Variants in COMMD6 observed in about 807,000 individuals in gnomAD.
The protein encoded by COMMD6 is COMM domain-containing protein 6.
A neutral mutation model predicts 13.4 loss-of-function variants in COMMD6; 11 were observed. The ratio of observed to expected loss-of-function variants is 0.82; its 90% CI spans 0.52 to 1.36. COMMD6 has a LOEUF of 1.36. Among genes scored for constraint, COMMD6 ranks in the 40% most tolerant of loss-of-function variants. The pLI, the probability that COMMD6 is intolerant of heterozygous loss-of-function variation, is 0.00. For synonymous variants in COMMD6, 43 were observed against 36.5 expected (o/e 1.18, Z -0.64); for missense variants, 124 against 102.4 (o/e 1.21, Z -0.91).
chr13:75,537,378 A>T (rs1444832212), intron 2 of COMMD6: 7 of 1,550,826 alleles, frequency 4.5e-6, no homozygotes, highest in Non-Finnish European at 6.1e-6. Context: ...ACACTTTAAA[A>T]TACCGTGTTC....
intron 3 of COMMD6, 59 bp from the exon 4 acceptor site, chr13:75,526,698 AT>A: frequency 8.5e-7 from 1 of 1,176,258 alleles, no homozygotes; most frequent in Non-Finnish European, 1.3e-6. Context: ...TTAAGTAGTT[AT>A]TTTAATTATA....
intron 2 of COMMD6, chr13:75,537,453 G>A: frequency 1.3e-6 from 2 of 1,551,584 alleles, no homozygotes; most frequent in Non-Finnish European, 1.7e-6. Flanking sequence ...CTTCGGGCTA[G>A]TGCAGGGTGG....
At chr13:75,546,506 AT>A (rs1251931740) in intron 1 of COMMD6, among the ~76,000 whole-genome samples, 1 of 152,242 alleles carries the variant, frequency 6.6e-6, no homozygotes, top group Non-Finnish European at 1.5e-5. Flanking sequence ...GGCATCAAAC[AT>A]TAATTTGTCA....
upstream of COMMD6, chr13:75,537,854 C>T: frequency 3.3e-6 from 5 of 1,538,122 alleles, no homozygotes; most frequent in Non-Finnish European, 3.5e-6. Context: ...CGCCCCCAGA[C>T]CAGCGCTTCC....
At chr13:75,540,325 T>TAC (rs1018807311), upstream of COMMD6, among the ~76,000 whole-genome samples, 17 of 102,006 alleles carry the variant, frequency 1.7e-4, no homozygotes, top group South Asian at 4.2e-4. Flanking sequence ...GGGTGGTAAA[T>TAC]ACACACACAC....
Position 75,528,853 on chromosome 13 carries a change from A to C in COMMD6, c.207+1261T>G, listed in dbSNP as rs188181593. Among the ~76,000 whole-genome samples, 69 of 150,870 alleles carry C rather than the reference A, an allele frequency of 4.6e-4. 2 individuals are homozygous for C. The East Asian group carries it at 0.012, about 26-fold the overall frequency. The stretch of plus-strand genomic sequence containing the variant: ...GCCAAAAAGAGTGAAACTGTGTCCC[A>C]AAAAAAAAGAAAAAAAAAAAGAAAT... On this transcript the variant is annotated intron_variant, in intron 3 of 3. Transcript: ENST00000682242.
Position 75,526,561 on chromosome 13 carries a change from A to T in COMMD6, c.*28T>A. 6.5e-7 allele frequency: 1 copy of T among 1,530,906 alleles called. No individual in the cohort carries two copies. The highest frequency in any genetic ancestry group is 9.0e-7 in the Non-Finnish European group (1 of 1,115,226). 94.8% of individuals were successfully genotyped at this position (1,530,906 alleles called of 1,614,324 possible). A position where few individuals can be genotyped will look rare whatever the true frequency, so the allele number is the denominator to read the frequency against. ...GTGAAGTCCATGACTTTAGAATGAT[A>T]GCAATTTATCAACCAAAGAATCCGT... is the stretch of plus-strand genomic sequence containing the variant. On this transcript the variant is annotated 3_prime_UTR_variant, in exon 4 of 4. Transcript: ENST00000682242.
Position 75,530,183 on chromosome 13 carries a change from C to T in COMMD6, c.138G>A (p.Met46Ile). Residue 46 changes from methionine to isoleucine, a missense_variant, in exon 3 of 4, where the codon ATG becomes ATA. Met to Ile is a conservative substitution (Grantham distance 10, BLOSUM62 1). Transcript: ENST00000682242. ...GGCCTGAATGATCTGCCACTTTTAG[C>T]ATCACTGCAACGTAAGGATACTTAA... ...RSLKYPYVAV[M>I]LKVADHSGQV... The T allele has an allele frequency of 6.2e-7, 1 of 1,613,348 alleles. No homozygotes were observed. The highest frequency in any genetic ancestry group is 8.5e-7 in the Non-Finnish European group (1 of 1,179,350).
upstream of COMMD6, among the ~76,000 whole-genome samples, chr13:75,540,244 T>A (rs1223844467): frequency 6.6e-6 from 1 of 151,948 alleles, no homozygotes; most frequent in Non-Finnish European, 1.5e-5. Flanking sequence ...GTGCTGGGAT[T>A]ACAGGTGTGA....
At chr13:75,544,203 G>C (rs963759390) in intron 1 of COMMD6, among the ~76,000 whole-genome samples, 2 of 152,136 alleles carry the variant, frequency 1.3e-5, no homozygotes, top group African/African-American at 2.4e-5. Flanking sequence ...TATAATCATG[G>C]AAGTTTTAGA....
chr13:75,536,247 G>GT (rs2030659909), intron 2 of COMMD6, among the ~76,000 whole-genome samples: 1 of 152,084 alleles, frequency 6.6e-6, no homozygotes, highest in African/African-American at 2.4e-5. Flanking sequence ...ACTAAAGAAC[G>GT]TTCAACAATG....
upstream of COMMD6, among the ~76,000 whole-genome samples, chr13:75,538,132 G>C (rs1192119645): frequency 6.6e-6 from 1 of 152,242 alleles, no homozygotes; most frequent in Non-Finnish European, 1.5e-5. Context: ...GCGGGGCACA[G>C]CATCCCGCTG....
chr13:75,531,595 A>T (rs752506570), intron 2 of COMMD6, among the ~76,000 whole-genome samples: 8 of 152,204 alleles, frequency 5.3e-5, no homozygotes, highest in Non-Finnish European at 1.2e-4. Context: ...AATAACTACA[A>T]ATTTCTAATA....
intron 1 of COMMD6, among the ~76,000 whole-genome samples, chr13:75,548,872 G>T (rs1304085531): frequency 6.6e-6 from 1 of 152,172 alleles, no homozygotes; most frequent in Non-Finnish European, 1.5e-5. Flanking sequence ...AGGAAGCCCA[G>T]ATGTCTTGAC....
chr13:75,535,653 G>C (rs577121626), intron 2 of COMMD6, among the ~76,000 whole-genome samples: 1 of 152,120 alleles, frequency 6.6e-6, no homozygotes, highest in Non-Finnish European at 1.5e-5. Context: ...CTCTGTATTC[G>C]CAGTCTGTCT....
chr13:75,540,117 C>T (rs2030800847), upstream of COMMD6, among the ~76,000 whole-genome samples: 1 of 151,864 alleles, frequency 6.6e-6, no homozygotes, highest in Non-Finnish European at 1.5e-5. Context: ...ATTACAGGCG[C>T]ATGCCACCAT....
intron 2 of COMMD6, among the ~76,000 whole-genome samples, chr13:75,533,007 T>G (rs2030539538): frequency 6.6e-6 from 1 of 151,308 alleles, no homozygotes; most frequent in South Asian, 2.1e-4. Context: ...CTTGGCTTAC[T>G]GCAAGCTCTG....
At chr13:75,542,371 C>A, upstream of COMMD6, among the ~76,000 whole-genome samples, 1 of 149,956 alleles carries the variant, frequency 6.7e-6, no homozygotes, top group East Asian at 2.0e-4. Context: ...CTTACTGCAA[C>A]TTCTGCCTCC....
In COMMD6 at chr13:75,526,256, C is replaced by T; in HGVS notation, c.*333G>A. 5.2e-6 allele frequency: 1 copy of T among 192,796 alleles called. No individual in the cohort carries two copies. Among genetic ancestry groups the T allele is most frequent in the Non-Finnish European group, 1.0e-5 (1 of 95,578 alleles). 11.9% of individuals were successfully genotyped at this position (192,796 alleles called of 1,614,324 possible). A position where few individuals can be genotyped will look rare whatever the true frequency, so the allele number is the denominator to read the frequency against. ...GACTGTTTATAAAATGGGTTCCATC[C>T]AGTACAAGTTTTTAAACTACTGTTG... On this transcript the variant is annotated 3_prime_UTR_variant, in exon 4 of 4. Transcript: ENST00000682242.
Sources: gnomAD v4.1 joint callset for allele counts (sites outside exome capture counted in the v4.1 genomes callset) on GRCh38, gnomAD v4.1.1 for gene constraint, MANE v1.5 for transcripts, NCBI Gene and HGNC (gene_info 2026-07-23, HGNC 2026-07-21) for gene names.